CC2D2B: variants seen among roughly 807,000 people sequenced by gnomAD.
CC2D2B encodes the protein coiled-coil and C2 domain containing 2B, also known as protein CC2D2B.
A neutral mutation model predicts 161.2 loss-of-function variants in CC2D2B; 128 were observed. That is an observed-to-expected ratio of 0.79 (90% CI 0.69 to 0.92). CC2D2B has a LOEUF of 0.92. CC2D2B is among the 40% of genes least tolerant of loss of function. The pLI is 0.00. For missense variants in CC2D2B, 1,173 were observed against 1,375.1 expected, an observed-to-expected ratio of 0.85 and a Z score of 2.32; for synonymous variants, 391 against 449.8, an observed-to-expected ratio of 0.87 and a Z score of 1.65.
At chr10:95,945,280 C>A (rs2076157482) in intron 9 of CC2D2B, among the ~76,000 whole-genome samples, 2 of 152,194 alleles carry the variant, frequency 1.3e-5, no homozygotes, top group African/African-American at 4.8e-5. Flanking sequence ...CTCTACCTGC[C>A]TTTCTCTTCT....
At chr10:95,944,736 G>T (rs551475050) in intron 9 of CC2D2B, among the ~76,000 whole-genome samples, 1 of 152,310 alleles carries the variant, frequency 6.6e-6, no homozygotes, top group Admixed American at 6.5e-5. Context: ...CCACTGGGCT[G>T]AACAAGTAAC....
intron 9 of CC2D2B, among the ~76,000 whole-genome samples, chr10:95,939,912 G>A (rs189356751): frequency 1.3e-5 from 2 of 152,146 alleles, no homozygotes; most frequent in East Asian, 3.9e-4. Context: ...TTTTCTCACT[G>A]TCTGTATTAG....
chr10:96,025,185 A>ATAT (rs1491443122), intron 33 of CC2D2B, among the ~76,000 whole-genome samples: 561 of 16,128 alleles, frequency 0.035, 25 homozygotes, highest in South Asian at 0.11. Flanking sequence ...ATATATATAT[A>ATAT]AAAAAAAATA....
At chr10:95,943,560 T>C (rs2076094727) in intron 9 of CC2D2B, among the ~76,000 whole-genome samples, 1 of 152,184 alleles carries the variant, frequency 6.6e-6, no homozygotes, top group South Asian at 2.1e-4. Flanking sequence ...TCAATACATT[T>C]TTTGCTTGAA....
chr10:96,017,815 C>A (rs2079272911), intron 30 of CC2D2B, among the ~76,000 whole-genome samples: 1 of 152,002 alleles, frequency 6.6e-6, no homozygotes, highest in Non-Finnish European at 1.5e-5. Context: ...TGACACATAC[C>A]TGTGGTCCCA....
intron 11 of CC2D2B, among the ~76,000 whole-genome samples, chr10:95,960,671 C>G (rs2076731150): frequency 6.6e-6 from 1 of 152,088 alleles, no homozygotes; most frequent in African/African-American, 2.4e-5. Flanking sequence ...CACCATCATG[C>G]TTGGCTAGTT....
At chr10:95,946,359 G>A (rs2076198577) in intron 9 of CC2D2B, among the ~76,000 whole-genome samples, 1 of 152,170 alleles carries the variant, frequency 6.6e-6, no homozygotes, top group South Asian at 2.1e-4. Flanking sequence ...ACAGGACCAA[G>A]GGCAGAGGCT....
chr10:95,968,106 A>G (rs2077005503), intron 14 of CC2D2B, among the ~76,000 whole-genome samples: 1 of 152,236 alleles, frequency 6.6e-6, no homozygotes, highest in East Asian at 1.9e-4. Flanking sequence ...TGTTTCCCCC[A>G]GGGAAGTAAC....
At chr10:96,025,034 C>T in intron 33 of CC2D2B, 123 bp downstream of exon 33, 1 of 493,492 alleles carries the variant, frequency 2.0e-6, no homozygotes, top group Non-Finnish European at 3.5e-6. Context: ...TTCCAGCTGG[C>T]CCAGTGGCTC....
intron 15 of CC2D2B, among the ~76,000 whole-genome samples, chr10:95,969,493 G>A (rs1416333253): frequency 6.6e-6 from 1 of 151,888 alleles, no homozygotes; most frequent in African/African-American, 2.4e-5. Context: ...TAAAAATGGG[G>A]TTAAACTTAA....
At chr10:95,997,527 A>G (rs946153094) in intron 24 of CC2D2B, among the ~76,000 whole-genome samples, 97 of 152,198 alleles carry the variant, frequency 6.4e-4, no homozygotes, top group Admixed American at 2.0e-3. Context: ...AGCCGAGACT[A>G]CAGGAGTGTA....
At chr10:95,965,221 G>A (rs2076897373) in intron 12 of CC2D2B, among the ~76,000 whole-genome samples, 1 of 152,016 alleles carries the variant, frequency 6.6e-6, no homozygotes, top group Non-Finnish European at 1.5e-5. Flanking sequence ...TTCTGACACT[G>A]TTCAGATAAC....
intron 29 of CC2D2B, among the ~76,000 whole-genome samples, chr10:96,015,219 C>T (rs2079140725): frequency 6.7e-6 from 1 of 149,300 alleles, no homozygotes; most frequent in Admixed American, 6.8e-5. Context: ...CACGCACCAC[C>T]AGGCCCAGCT....
In CC2D2B at chr10:96,019,705, T is replaced by A. The variant is rs756224016; in HGVS notation, c.3769T>A (p.Trp1257Arg). The A allele has an allele frequency of 7.6e-6, 12 of 1,577,158 alleles. No individual in the cohort carries two copies. The highest frequency in any genetic ancestry group is 9.4e-6 in the Non-Finnish European group (11 of 1,167,360). Reference protein sequence around the residue: ...VDCLFDDRNVWFNIQQNNTPM... With the variant: ...VDCLFDDRNVRFNIQQNNTPM... ...TGTTATATTAATGTTTTCATAGGTC[T>A]GGTTTAATATTCAACAAAATAATAC... The change falls in exon 32 of 35, where the codon TGG (tryptophan) becomes AGG (arginine). Residue 1257 changes from tryptophan to arginine, a missense_variant. By Grantham distance (101) the Trp-to-Arg change is moderately radical. This residue lies in a region of CC2D2B where 598 missense variants were observed against 693.2 expected (regional missense o/e 0.86). Transcript: ENST00000646931.
intron 33 of CC2D2B, among the ~76,000 whole-genome samples, chr10:96,025,184 T>TATATATA (rs2079683102): frequency 4.8e-5 from 1 of 20,636 alleles, no homozygotes; most frequent in African/African-American, 2.2e-4. Flanking sequence ...TATATATATA[T>TATATATA]AAAAAAAAAT....
chr10:95,924,057 A>G (rs1373766129), intron 3 of CC2D2B, among the ~76,000 whole-genome samples: 1 of 152,040 alleles, frequency 6.6e-6, no homozygotes, highest in Non-Finnish European at 1.5e-5. Flanking sequence ...AAGGTGATAG[A>G]GGATAGAAAA....
At chr10:95,917,789 A>G (rs1006282495) in intron 2 of CC2D2B, among the ~76,000 whole-genome samples, 13 of 151,932 alleles carry the variant, frequency 8.6e-5, no homozygotes, top group African/African-American at 3.1e-4. Flanking sequence ...ATTATTTTTG[A>G]GACAGTATTA....
intron 9 of CC2D2B, among the ~76,000 whole-genome samples, chr10:95,946,574 T>C (rs2076205991): frequency 6.6e-6 from 1 of 152,212 alleles, no homozygotes; most frequent in Non-Finnish European, 1.5e-5. Flanking sequence ...TTATTACCAA[T>C]TGTCTAAATC....
chr10:95,910,447 A>C (rs1273423760), intron 1 of CC2D2B, among the ~76,000 whole-genome samples: 1 of 152,144 alleles, frequency 6.6e-6, no homozygotes, highest in Non-Finnish European at 1.5e-5. Context: ...ATGGCAAGAG[A>C]GGAAATAAAG....
Sources: gnomAD v4.1 joint callset for allele counts (sites outside exome capture counted in the v4.1 genomes callset) on GRCh38, gnomAD v4.1.1 for gene constraint, gnomAD v4.1.1 regional missense constraint, MANE v1.5 for transcripts, NCBI Gene and HGNC (gene_info 2026-07-23, HGNC 2026-07-21) for gene names.